Variants in CXXC5 observed in about 807,000 individuals in gnomAD.
CXXC5 encodes the protein CXXC finger protein 5.
In CXXC5, 2 loss-of-function variants were observed where a neutral mutation model predicts 17.6. The observed-to-expected ratio is 0.11, with a 90% confidence interval of 0.05 to 0.36. The LOEUF (loss-of-function observed/expected upper bound fraction) is 0.36. Among genes scored for constraint, CXXC5 ranks in the 10% least tolerant of loss-of-function variants. The pLI, the probability that CXXC5 is intolerant of heterozygous loss-of-function variation, is 1.00. For synonymous variants in CXXC5, 171 were observed against 193.0 expected (o/e 0.89, Z 0.94); for missense variants, 343 against 458.3 (o/e 0.75, Z 2.30).
chr5:139,671,387 C>T (rs930812376), intron 1 of CXXC5, among the ~76,000 whole-genome samples: 2 of 152,216 alleles, frequency 1.3e-5, no homozygotes, highest in Admixed American at 6.5e-5. Flanking sequence ...CCTGGCCATC[C>T]CCTCTCTTCC....
At position 139,683,085 on chromosome 5, in the gene CXXC5, G is replaced by A. The variant is rs372994634; in HGVS notation, c.*178G>A. The A allele has an allele frequency of 3.7e-5, 17 of 459,298 alleles. No individual in the cohort carries two copies. Among genetic ancestry groups the A allele is most frequent in the South Asian group, 2.9e-4 (3 of 10,480 alleles). 28.5% of individuals were successfully genotyped at this position (459,298 alleles called of 1,614,324 possible). ...TTTGTTGTCGTTTTAACATCTCCAC[G>A]TCCCTAGCATAAAAAGAAAAAGAAA... On this transcript the variant is annotated 3_prime_UTR_variant, in exon 3 of 3. Transcript: ENST00000302517.
chr5:139,655,555 A>C (rs1755445726), intron 1 of CXXC5, among the ~76,000 whole-genome samples: 2 of 143,784 alleles, frequency 1.4e-5, no homozygotes, highest in South Asian at 2.2e-4. Context: ...CTCCTGACCT[A>C]CCTCCCCACA....
Position 139,670,286 on chromosome 5 carries a change from G to A in CXXC5, c.-160-10078G>A, listed in dbSNP as rs1756388829. ...TTTCCACGCTCAGGCCAGGCAGGCG[G>A]GTAGACACTGGCCAGAGCTGTTGGA... On this transcript the variant is annotated intron_variant, in intron 1 of 2. Transcript: ENST00000302517. This position sits in a 1 kb window ranked among gnomAD's most constrained non-coding sequence, Gnocchi z 4.2. Among the ~76,000 whole-genome samples, 1 of 152,220 alleles carries A rather than the reference G, an allele frequency of 6.6e-6. No individual in the cohort carries two copies. The highest frequency in any genetic ancestry group is 1.5e-5 in the Non-Finnish European group (1 of 68,036).
chr5:139,679,440 A>G (rs1476476302), intron 1 of CXXC5, among the ~76,000 whole-genome samples: 1 of 152,230 alleles, frequency 6.6e-6, no homozygotes, highest in Non-Finnish European at 1.5e-5. Context: ...GGCGGGGAGA[A>G]GATCCCTGAA....
chr5:139,659,595 C>T (rs1050889877), intron 1 of CXXC5: 4 of 152,258 alleles, frequency 2.6e-5, no homozygotes, highest in African/African-American at 9.7e-5. Flanking sequence ...TCCACCCTGT[C>T]CTGAGCTGCC....
chr5:139,654,413 TG>T (rs1755380241), intron 1 of CXXC5, among the ~76,000 whole-genome samples: 1 of 152,222 alleles, frequency 6.6e-6, no homozygotes, highest in Non-Finnish European at 1.5e-5. Context: ...TCTCTGAAAT[TG>T]GACGGTAAGA....
At chr5:139,671,805 C>G (rs1321133041) in intron 1 of CXXC5, among the ~76,000 whole-genome samples, 1 of 152,222 alleles carries the variant, frequency 6.6e-6, no homozygotes, top group Non-Finnish European at 1.5e-5. Flanking sequence ...CTGAACTGGA[C>G]CTCACCCTTT....
rs774217585 is a variant in CXXC5, at chr5:139,681,289, G to A, written c.766G>A (p.Gly256Ser). ...QGELASAISS[G>S]KKKRKRCGMC... Reference sequence around the variant, plus strand: ...AGAGCTGGCCTCTGCCATCAGCTCCGGCAAGAAGAAGCGGAAACGCTGCGG... The same window carrying A: ...AGAGCTGGCCTCTGCCATCAGCTCCAGCAAGAAGAAGCGGAAACGCTGCGG... The change falls in exon 2 of 3, where the codon GGC (glycine) becomes AGC (serine). Residue 256 changes from glycine (G) to serine (S), a missense_variant. Coordinates refer to ENST00000302517, the MANE Select transcript of CXXC5 (RefSeq NM_016463.9). The A allele has an allele frequency of 7.4e-6, 12 of 1,612,786 alleles. No homozygotes were observed. Among genetic ancestry groups the A allele is most frequent in the Non-Finnish European group, 9.3e-6 (11 of 1,179,942 alleles).
intron 2 of CXXC5, among the ~76,000 whole-genome samples, chr5:139,682,137 C>T (rs968970316): frequency 6.6e-6 from 1 of 152,166 alleles, no homozygotes; most frequent in African/African-American, 2.4e-5. Context: ...TGGCAGGGCC[C>T]GTCCCTGTGC....
rs75759241 is a variant in CXXC5, at chr5:139,668,650, G to T, written c.-160-11714G>T. Among the ~76,000 whole-genome samples, 1,215 of 152,290 alleles carry T rather than the reference G, an allele frequency of 8.0e-3. 14 individuals carry two copies. Among genetic ancestry groups the T allele is most frequent in the Middle Eastern group, 0.037 (11 of 294 alleles). On this transcript the variant is annotated intron_variant, in intron 1 of 2. Transcript: ENST00000302517. This position sits in a 1 kb window ranked among gnomAD's most constrained non-coding sequence, Gnocchi z 4.1. Reference sequence around the variant, plus strand: ...CCCTATCCCTGAACCCCATCGTGGCGTGCAGGTCTGAGTAGGCTCTGGGCC... The same window carrying T: ...CCCTATCCCTGAACCCCATCGTGGCTTGCAGGTCTGAGTAGGCTCTGGGCC...
rs1470768155 is a variant in CXXC5, at chr5:139,668,582, G to T, written c.-160-11782G>T. Among the ~76,000 whole-genome samples, 2 of 152,202 alleles carry T rather than the reference G, an allele frequency of 1.3e-5. No homozygotes were observed. The highest frequency in any genetic ancestry group is 2.9e-5 in the Non-Finnish European group (2 of 68,018). On this transcript the variant is annotated intron_variant, in intron 1 of 2. Coordinates refer to ENST00000302517, the MANE Select transcript of CXXC5 (RefSeq NM_016463.9). The surrounding 1 kb of genome is among the most constrained non-coding windows in gnomAD (Gnocchi z 4.1). Reference sequence around the variant, plus strand: ...GCTGGCCGCGTTTCTCGGGGCGGGAGCCAGCTCTGCTCGCCTGGCTTAACC... The same window carrying T: ...GCTGGCCGCGTTTCTCGGGGCGGGATCCAGCTCTGCTCGCCTGGCTTAACC...
intron 1 of CXXC5, among the ~76,000 whole-genome samples, chr5:139,655,671 C>T (rs1194440544): frequency 3.9e-5 from 6 of 152,098 alleles, no homozygotes; most frequent in Non-Finnish European, 7.4e-5. Context: ...TGTTGGCCTC[C>T]TCCTTCCCAG....
At chr5:139,666,314 C>A (rs533083687) in intron 1 of CXXC5, among the ~76,000 whole-genome samples, 1 of 152,296 alleles carries the variant, frequency 6.6e-6, no homozygotes, top group Admixed American at 6.5e-5. Flanking sequence ...CCCTTCACCC[C>A]CTTCACCCCC....
At chr5:139,650,527 T>C (rs1191289990) in intron 1 of CXXC5, among the ~76,000 whole-genome samples, 1 of 152,172 alleles carries the variant, frequency 6.6e-6, no homozygotes, top group Admixed American at 6.5e-5. Flanking sequence ...AGTTTTCCGC[T>C]GGGGCCGCCT....
chr5:139,679,301 G>A (rs1757047421), intron 1 of CXXC5, among the ~76,000 whole-genome samples: 1 of 152,254 alleles, frequency 6.6e-6, no homozygotes, highest in South Asian at 2.1e-4. Flanking sequence ...CAAGAATGAG[G>A]TCTGAGACGA....
rs1756228291 is a variant in CXXC5, at chr5:139,668,324, C to T, written c.-160-12040C>T. On this transcript the variant is annotated intron_variant, in intron 1 of 2. Transcript: ENST00000302517. The surrounding 1 kb of genome is among the most constrained non-coding windows in gnomAD (Gnocchi z 4.1). ...GCCCAGGCCTTCCCAGGCTGCCCGTCCCGCCGCGGCTCAGGGCGCCTCCCG... is the reference window on the plus strand; with the variant it reads ...GCCCAGGCCTTCCCAGGCTGCCCGTTCCGCCGCGGCTCAGGGCGCCTCCCG... Among the ~76,000 whole-genome samples, 1 of 152,128 alleles carries T rather than the reference C, an allele frequency of 6.6e-6. No individual in the cohort carries two copies. Among genetic ancestry groups the T allele is most frequent in the Non-Finnish European group, 1.5e-5 (1 of 67,986 alleles).
intron 1 of CXXC5, among the ~76,000 whole-genome samples, chr5:139,654,674 G>A (rs1406501282): frequency 6.6e-6 from 1 of 152,218 alleles, no homozygotes; most frequent in African/African-American, 2.4e-5. Flanking sequence ...TTCCTCATCT[G>A]TAAAATGGGA....
At position 139,682,893 on chromosome 5, in the gene CXXC5, C is replaced by T. The variant is rs760319713; in HGVS notation, c.955C>T (p.Arg319Trp). The change falls in exon 3 of 3, where the codon CGG (arginine) becomes TGG (tryptophan). Residue 319 changes from arginine to tryptophan, a missense_variant. Coordinates refer to ENST00000302517, the MANE Select transcript of CXXC5 (RefSeq NM_016463.9). ...GATGCTTCCGACGGGAGCCGCCTTCCGGTGGTTTCAGTGACGGCGGCGGAA... is the reference window on the plus strand; with the variant it reads ...GATGCTTCCGACGGGAGCCGCCTTCTGGTGGTTTCAGTGACGGCGGCGGAA... ...KVMLPTGAAFRWFQ is the reference protein window; with the variant it reads ...KVMLPTGAAFWWFQ 1.9e-6 allele frequency: 3 copies of T among 1,594,250 alleles called. No homozygotes were observed. Among genetic ancestry groups the T allele is most frequent in the East Asian group, 2.3e-5 (1 of 43,296 alleles).
rs761890663 is a variant in CXXC5, at chr5:139,680,778, T to G, written c.255T>G (p.Phe85Leu). The change falls in exon 2 of 3, where the codon TTT becomes TTG. Residue 85 changes from phenylalanine to leucine, a missense_variant. Coordinates refer to ENST00000302517, the MANE Select transcript of CXXC5 (RefSeq NM_016463.9). ...GCCCGCTCTCCCACTACTCTTCTTT[T>G]GGCAGCAGTGGTGGTAGTGGCGGTG... ...RSRPLSHYSSFGSSGGSGGGS... is the reference protein window; with the variant it reads ...RSRPLSHYSSLGSSGGSGGGS... The G allele has an allele frequency of 4.3e-6, 7 of 1,613,520 alleles. No homozygotes were observed. Among genetic ancestry groups the G allele is most frequent in the African/African-American group, 1.3e-5 (1 of 75,066 alleles).
Sources: allele counts gnomAD v4.1 joint callset (sites outside exome capture counted in the v4.1 genomes callset), GRCh38; gene constraint gnomAD v4.1.1; non-coding constraint Gnocchi (gnomAD v3.1); transcripts MANE v1.5; gene names NCBI Gene and HGNC (gene_info 2026-07-23, HGNC 2026-07-21).